Variants in ANO10 observed in about 807,000 individuals in gnomAD.
ANO10 encodes anoctamin-10.
ANO10 carries 77 observed loss-of-function variants against 74.7 expected under a neutral mutation model. The observed-to-expected ratio is 1.03, with a 90% confidence interval of 0.86 to 1.25. The LOEUF (loss-of-function observed/expected upper bound fraction) is 1.25, where lower values mean the gene tolerates loss of function less well. Among genes scored for constraint, ANO10 ranks in the 50% most tolerant of loss-of-function variants. ANO10 has a pLI of 0.00. For missense variants in ANO10, 721 were observed against 778.1 expected (o/e 0.93, Z 0.87); for synonymous variants, 279 against 284.9 (o/e 0.98, Z 0.21).
chr3:43,512,335 T>C (rs1380067204), intron 11 of ANO10, among the ~76,000 whole-genome samples: 1 of 152,188 alleles, frequency 6.6e-6, no homozygotes, highest in Non-Finnish European at 1.5e-5. Flanking sequence ...AACTCTGCCT[T>C]TGTCACTTAA....
intron 1 of ANO10, among the ~76,000 whole-genome samples, chr3:43,647,153 A>ATATATGTGTGTGTGTG (rs371712281): frequency 7.1e-6 from 1 of 141,790 alleles, no homozygotes; most frequent in East Asian, 2.1e-4. Context: ...ATGTGTATAT[A>ATATATGTGTGTGTGTG]TGTGTGTGTG....
At chr3:43,554,149 G>C (rs767789675) in intron 10 of ANO10, among the ~76,000 whole-genome samples, 17 of 144,988 alleles carry the variant, frequency 1.2e-4, no homozygotes, top group Non-Finnish European at 2.3e-4. Context: ...CATTAAGCTT[G>C]ATTTCTTCCT....
chr3:43,628,438 G>A (rs973060762), intron 1 of ANO10, among the ~76,000 whole-genome samples: 5 of 152,120 alleles, frequency 3.3e-5, no homozygotes, highest in African/African-American at 1.2e-4. Flanking sequence ...TGTCGCCTCA[G>A]GACCCTGTGA....
At position 43,448,931 on chromosome 3, in the gene ANO10, G is replaced by A. The variant is rs562514678; in HGVS notation, c.1798-16204C>T. Among the ~76,000 whole-genome samples the A allele has an allele frequency of 2.7e-5, 4 of 150,812 alleles. No individual in the cohort carries two copies. The East Asian group carries it at 7.8e-4, about 29-fold the overall frequency. ...CTGTCACCCAGGCTGGAGCGCAGTG[G>A]TGCGATCTCGGCTCATTGCAACTTC... On this transcript the variant is annotated intron_variant, in intron 11 of 12. Coordinates refer to ENST00000292246, the MANE Select transcript of ANO10 (RefSeq NM_018075.5).
intron 11 of ANO10, among the ~76,000 whole-genome samples, chr3:43,464,971 C>A (rs1433764208): frequency 6.6e-6 from 1 of 152,126 alleles, no homozygotes. Flanking sequence ...TTTACTAGTT[C>A]TATTGAACAT....
intron 11 of ANO10, among the ~76,000 whole-genome samples, chr3:43,447,617 AATAACTCATT>A (rs1283122834): frequency 2.6e-5 from 4 of 152,248 alleles, no homozygotes; most frequent in Non-Finnish European, 4.4e-5. Context: ...TACAAGTACA[AATAACTCATT>A]TTTTGGCTTA....
At chr3:43,683,849 A>T (rs1195741917) in intron 1 of ANO10, among the ~76,000 whole-genome samples, 1 of 152,210 alleles carries the variant, frequency 6.6e-6, no homozygotes, top group Non-Finnish European at 1.5e-5. Flanking sequence ...CTATTTAAAA[A>T]ATGGTGCTGG....
chr3:43,537,910 G>A (rs1028787547), intron 11 of ANO10, among the ~76,000 whole-genome samples: 6 of 152,056 alleles, frequency 3.9e-5, no homozygotes, highest in Admixed American at 2.6e-4. Context: ...TAGCCACATG[G>A]CACCCTGGAG....
At chr3:43,443,078 G>T (rs561353200) in intron 11 of ANO10, among the ~76,000 whole-genome samples, 15 of 152,260 alleles carry the variant, frequency 9.9e-5, no homozygotes, top group African/African-American at 3.1e-4. Flanking sequence ...CGTCTTCAGG[G>T]CAGGGCTGTG....
Position 43,565,732 on chromosome 3 carries a change from CAAAAAAAAAA to C in ANO10, c.1219-15_1219-6del. ...AAAGCAATTGAGGAAGTTGAACTGCCAAAAAAAAAAAAAAAAAAGATAAGTGTTAAGCACT... is the reference window on the plus strand; with the variant it reads ...AAAGCAATTGAGGAAGTTGAACTGCCAAAAAAAAGATAAGTGTTAAGCACT... On this transcript the variant is annotated splice_region_variant and splice_polypyrimidine_tract_variant and intron_variant, in intron 7 of 12. Transcript: ENST00000292246. 1.6e-6 allele frequency: 2 copies of C among 1,272,642 alleles called. No homozygotes were observed. Among genetic ancestry groups the C allele is most frequent in the Non-Finnish European group, 2.1e-6 (2 of 971,628 alleles). 78.8% of individuals were successfully genotyped at this position (1,272,642 alleles called of 1,614,324 possible).
intron 1 of ANO10, among the ~76,000 whole-genome samples, chr3:43,634,400 C>T (rs530806191): frequency 6.6e-6 from 1 of 152,146 alleles, no homozygotes; most frequent in South Asian, 2.1e-4. Flanking sequence ...TCCCCGTCTC[C>T]CAACCACCCA....
chr3:43,578,063 T>A (rs952374550), intron 5 of ANO10, among the ~76,000 whole-genome samples: 1 of 152,176 alleles, frequency 6.6e-6, no homozygotes, highest in African/African-American at 2.4e-5. Context: ...TGACAGTTGG[T>A]GTTATTATTT....
chr3:43,585,453 C>A (rs185227927), intron 4 of ANO10, among the ~76,000 whole-genome samples: 68 of 152,312 alleles, frequency 4.5e-4, no homozygotes, highest in Admixed American at 3.7e-3. Context: ...GCTACCTACA[C>A]AGTTAGAGAA....
intron 4 of ANO10, among the ~76,000 whole-genome samples, chr3:43,591,892 C>T (rs1403851084): frequency 2.0e-5 from 3 of 152,248 alleles, no homozygotes; most frequent in Non-Finnish European, 2.9e-5. Flanking sequence ...TTGGGTCACC[C>T]TGACCCTAAC....
intron 1 of ANO10, among the ~76,000 whole-genome samples, chr3:43,686,192 C>T (rs1023883835): frequency 6.6e-6 from 1 of 152,186 alleles, no homozygotes; most frequent in Non-Finnish European, 1.5e-5. Flanking sequence ...TCTGTCAATC[C>T]TCTCCCGTCC....
intron 1 of ANO10, among the ~76,000 whole-genome samples, chr3:43,658,310 C>A (rs964545387): frequency 6.6e-6 from 1 of 152,142 alleles, no homozygotes; most frequent in Middle Eastern, 3.4e-3. Context: ...CAGAGCAAAT[C>A]ATCGAAGAAT....
At position 43,585,293 on chromosome 3, in the gene ANO10, T is replaced by C. The variant is rs374812418; in HGVS notation, c.473-4821A>G. Among the ~76,000 whole-genome samples the C allele has an allele frequency of 3.3e-5, 5 of 152,014 alleles. No homozygotes were observed. The East Asian group carries it at 7.7e-4, about 24-fold the overall frequency. ...ATCTTTCCAATGACCATGATCAAAA[T>C]GATTTTATTGTATTCATATTTAGTA... On this transcript the variant is annotated intron_variant, in intron 4 of 12. Coordinates refer to ENST00000292246, the MANE Select transcript of ANO10 (RefSeq NM_018075.5).
chr3:43,522,953 T>C (rs1049785037), intron 11 of ANO10, among the ~76,000 whole-genome samples: 3 of 152,184 alleles, frequency 2.0e-5, no homozygotes, highest in South Asian at 2.1e-4. Flanking sequence ...ATATAGATCA[T>C]GTGCCCACGT....
chr3:43,618,307 G>A (rs531109748), intron 1 of ANO10, among the ~76,000 whole-genome samples: 49 of 152,254 alleles, frequency 3.2e-4, no homozygotes, highest in African/African-American at 1.0e-3. Flanking sequence ...GCCCAGGCCG[G>A]ATTAGATGCT....
Sources: gnomAD v4.1 joint callset for allele counts (sites outside exome capture counted in the v4.1 genomes callset) on GRCh38, gnomAD v4.1.1 for gene constraint, MANE v1.5 for transcripts, NCBI Gene and HGNC (gene_info 2026-07-23, HGNC 2026-07-21) for gene names.